The following SURF4 variants were observed in gnomAD, a reference collection of about 807,000 sequenced individuals.
SURF4 encodes the protein surfeit 4.
A neutral mutation model predicts 30.0 loss-of-function variants in SURF4; 3 were observed. That is an observed-to-expected ratio of 0.10 (90% CI 0.05 to 0.26). The LOEUF is 0.26. Among genes scored for constraint, SURF4 ranks in the 10% least tolerant of loss-of-function variants. The probability of loss-of-function intolerance (pLI) is 1.00; values close to 1 mark genes in which losing one functional copy is unlikely to be tolerated. For synonymous variants in SURF4, 143 were observed against 139.9 expected (o/e 1.02, Z -0.16); for missense variants, 217 against 350.8 (o/e 0.62, Z 3.05).
intron 1 of SURF4, chr9:133,370,768 A>G (rs2130182052): frequency 2.6e-5 from 22 of 846,734 alleles, no homozygotes; most frequent in Middle Eastern, 6.0e-4. Context: ...CGGCGAGCAC[A>G]TAAAACTTGT....
In SURF4 at chr9:133,367,367, G is replaced by A; in HGVS notation, c.127C>T (p.Arg43Cys). 2 of 1,614,208 alleles carry A rather than the reference G, an allele frequency of 1.2e-6. No individual in the cohort carries two copies. The highest frequency in any genetic ancestry group is 2.2e-5 in the East Asian group (1 of 44,888). The change falls in exon 2 of 6, where the codon CGT becomes TGT. Residue 43 changes from arginine (R) to cysteine (C), a missense_variant. By Grantham distance (180) the Arg-to-Cys change is radical. Transcript: ENST00000371989. ...TGCTCGCTCCACTGGAACCACATAC[G>A]GATGCCGTCCTCCAGGAAGGTGCTG... ...LISTFLEDGI[R>C]MWFQWSEQRD...
chr9:133,365,098 G>GGTC, intron 4 of SURF4, 72 bp from the exon 5 acceptor site: 1 of 1,382,822 alleles, frequency 7.2e-7, no homozygotes, highest in Non-Finnish European at 9.6e-7. Context: ...CCAGGTGCAG[G>GGTC]GAGACCTTGC....
intron 1 of SURF4, among the ~76,000 whole-genome samples, chr9:133,371,344 G>A (rs1837495004): frequency 6.6e-6 from 1 of 152,248 alleles, no homozygotes; most frequent in South Asian, 2.1e-4. Flanking sequence ...GCTGGCTCGA[G>A]CTCACTGGCT....
intron 2 of SURF4, 50 bp downstream of exon 2, chr9:133,367,209 T>A: frequency 6.3e-7 from 1 of 1,594,704 alleles, no homozygotes; most frequent in Non-Finnish European, 8.6e-7. Context: ...CTGCTAACGA[T>A]CATGGAACAA....
rs1836857103 is a variant in SURF4, at chr9:133,362,250, G to C, written c.*1243C>G. ...AGGTCTAGGGGCCAGAGAGGTGTTC[G>C]ACTACCCTTGTGGCATTTACTATGG... On this transcript the variant is annotated 3_prime_UTR_variant, in exon 6 of 6. Coordinates refer to ENST00000371989, the MANE Select transcript of SURF4 (RefSeq NM_033161.4). 2 of 152,560 alleles carry C rather than the reference G, an allele frequency of 1.3e-5. No homozygotes were observed. Among genetic ancestry groups the C allele is most frequent in the African/African-American group, 2.4e-5 (1 of 41,556 alleles). 9.5% of individuals were successfully genotyped at this position (152,560 alleles called of 1,614,324 possible). A position where few individuals can be genotyped will look rare whatever the true frequency, so the allele number is the denominator to read the frequency against.
Position 133,375,957 on chromosome 9 carries a change from C to A in SURF4, c.13G>T (p.Asp5Tyr). The A allele has an allele frequency of 8.1e-7, 1 of 1,232,486 alleles. No homozygotes were observed. Among genetic ancestry groups the A allele is most frequent in the South Asian group, 3.9e-5 (1 of 25,522 alleles). 76.3% of individuals were successfully genotyped at this position (1,232,486 alleles called of 1,614,324 possible). Reference sequence around the variant, plus strand: ...AAGTCCTCGGCCGTGCCCATCAGGTCGTTCTGGCCCATGGCGACGGCGGGA... The same window carrying A: ...AAGTCCTCGGCCGTGCCCATCAGGTAGTTCTGGCCCATGGCGACGGCGGGA... MGQN[D>Y]LMGTAEDFAD... Residue 5 changes from aspartate to tyrosine, a missense_variant, in exon 1 of 6, where the codon GAC becomes TAC. Coordinates refer to ENST00000371989, the MANE Select transcript of SURF4 (RefSeq NM_033161.4).
At chr9:133,374,049 T>C (rs1363552770) in intron 1 of SURF4, among the ~76,000 whole-genome samples, 1 of 152,058 alleles carries the variant, frequency 6.6e-6, no homozygotes. Context: ...GATTTGGTTA[T>C]GAAATTCACT....
upstream of SURF4, among the ~76,000 whole-genome samples, chr9:133,377,465 A>C (rs1838010427): frequency 1.3e-5 from 2 of 152,226 alleles, no homozygotes. Context: ...CGGGAGTTCA[A>C]GACCAGCCTG....
chr9:133,370,275 C>T (rs997350697), intron 1 of SURF4, among the ~76,000 whole-genome samples: 1 of 152,202 alleles, frequency 6.6e-6, no homozygotes, highest in African/African-American at 2.4e-5. Flanking sequence ...GCAATTCACA[C>T]CTCCTTCCCT....
intron 2 of SURF4, 104 bp from the exon 3 acceptor site, chr9:133,366,779 C>A: frequency 2.1e-6 from 2 of 971,944 alleles, no homozygotes; most frequent in Non-Finnish European, 3.2e-6. Flanking sequence ...CAGAGGCAGC[C>A]AAACCACCTA....
intron 5 of SURF4, among the ~76,000 whole-genome samples, chr9:133,364,470 C>G (rs1371010674): frequency 1.3e-5 from 2 of 152,116 alleles, no homozygotes. Flanking sequence ...ACAGGCAGAT[C>G]ACGAGGGGTC....
At chr9:133,370,880 G>C in intron 1 of SURF4, 1 of 1,289,756 alleles carries the variant, frequency 7.8e-7, no homozygotes, top group Non-Finnish European at 1.0e-6. Context: ...GCTCACCTCT[G>C]TGGCCAAGCT....
intron 1 of SURF4, among the ~76,000 whole-genome samples, chr9:133,368,318 C>T (rs2130156954): frequency 0.058 from 8,907 of 152,292 alleles, 841 homozygotes; most frequent in African/African-American, 0.2. Flanking sequence ...ATCACGTTTA[C>T]AGTTATCCGA....
chr9:133,373,076 C>T (rs2130202665), intron 1 of SURF4, among the ~76,000 whole-genome samples: 6 of 152,210 alleles, frequency 3.9e-5, no homozygotes, highest in Non-Finnish European at 8.8e-5. Flanking sequence ...ATGTGAGCAG[C>T]CCCTTCACCC....
chr9:133,368,924 C>T (rs2130164574), intron 1 of SURF4, among the ~76,000 whole-genome samples: 27 of 152,338 alleles, frequency 1.8e-4, no homozygotes, highest in Admixed American at 5.2e-4. Flanking sequence ...GGCGAGCGAA[C>T]GTCAGCTGCA....
upstream of SURF4, chr9:133,376,262 C>T: frequency 1.5e-6 from 2 of 1,304,520 alleles, no homozygotes; most frequent in South Asian, 2.3e-5. Flanking sequence ...GAGGCCCCGC[C>T]CGCCGCGCGC....
intron 1 of SURF4, among the ~76,000 whole-genome samples, chr9:133,370,302 G>C (rs955400693): frequency 6.6e-6 from 1 of 152,194 alleles, no homozygotes. Flanking sequence ...ACATGGTGAC[G>C]AAACAGACAC....
Position 133,363,847 on chromosome 9 carries a change from GA to G in SURF4, c.544-89del. 1 of 1,519,760 alleles carries G rather than the reference GA, an allele frequency of 6.6e-7. No individual in the cohort carries two copies. Among genetic ancestry groups the G allele is most frequent in the Non-Finnish European group, 9.1e-7 (1 of 1,103,546 alleles). The allele number at this position is 1,519,760 out of a possible 1,614,324, so 94.1% of individuals were successfully genotyped here. A position where few individuals can be genotyped will look rare whatever the true frequency, so the allele number is the denominator to read the frequency against. ...AAAAGTTCCAGCTGCTGCACGTCAT[GA>G]AGTCTCTATCCATCAGGCTGATGTA... On this transcript the variant is annotated intron_variant, in intron 5 of 5. Transcript: ENST00000371989. This position sits in a 1 kb window ranked among gnomAD's most constrained non-coding sequence, Gnocchi z 4.3.
Position 133,367,353 on chromosome 9 carries a change from C to T in SURF4, c.141G>A (p.Gln47=). The T allele has an allele frequency of 6.2e-7, 1 of 1,614,246 alleles. No individual in the cohort carries two copies. Residue 47 remains glutamine, a synonymous_variant, in exon 2 of 6, where the codon CAG becomes CAA. Coordinates refer to ENST00000371989, the MANE Select transcript of SURF4 (RefSeq NM_033161.4). ...FLEDGIRMWF[Q]WSEQRDYIDT... is the part of the protein sequence containing the mutation. ...CGATGTAGTCGCGCTGCTCGCTCCA[C>T]TGGAACCACATACGGATGCCGTCCT...
Sources: gnomAD v4.1 joint callset for allele counts (sites outside exome capture counted in the v4.1 genomes callset) on GRCh38, gnomAD v4.1.1 for gene constraint, Gnocchi (gnomAD v3.1) non-coding constraint, MANE v1.5 for transcripts, NCBI Gene and HGNC (gene_info 2026-07-23, HGNC 2026-07-21) for gene names.